The following TCN2 variants were observed in gnomAD, a reference collection of about 807,000 sequenced individuals.
TCN2 encodes the protein transcobalamin 2, also known as transcobalamin-2.
TCN2 carries 34 observed loss-of-function variants against 48.6 expected under a neutral mutation model. The observed-to-expected ratio is 0.70, with a 90% CI of 0.53 to 0.93. The LOEUF (loss-of-function observed/expected upper bound fraction) is 0.93. Among genes scored for constraint, TCN2 ranks in the 40% least tolerant of loss-of-function variants. The pLI is 0.00. For synonymous variants in TCN2, 283 were observed against 212.5 expected, an observed-to-expected ratio of 1.33 and a Z score of -2.89; for missense variants, 652 against 526.1, an observed-to-expected ratio of 1.24 and a Z score of -2.34.
rs548561577 is a variant in TCN2 at position 30,613,108 on chromosome 22, A to G, written c.427+66A>G. The G allele has an allele frequency of 5.8e-5, 91 of 1,581,192 alleles. No homozygotes were observed. In the South Asian group the frequency reaches 7.2e-4, roughly 12 times the overall value. ...AGGGCTCATCAGATGATATTCTCCAATGAGAATCAGAACTTTGGGTTTTCT... is the reference window on the plus strand; with the variant it reads ...AGGGCTCATCAGATGATATTCTCCAGTGAGAATCAGAACTTTGGGTTTTCT... On this transcript the variant is annotated intron_variant, in intron 3 of 8. Transcript: ENST00000215838.
In TCN2 at chr22:30,607,314, C is replaced by T. The variant is rs2087467192; in HGVS notation, c.-18C>T. The T allele has an allele frequency of 2.5e-6, 4 of 1,614,030 alleles. No individual in the cohort carries two copies. Among genetic ancestry groups the T allele is most frequent in the Non-Finnish European group, 2.5e-6 (3 of 1,180,028 alleles). ...TCTTTCCCGATTCTTGCTCACTGCT[C>T]ACCCACCTGCTGCTGCCATGAGGCA... On this transcript the variant is annotated 5_prime_UTR_variant, in exon 1 of 9. Coordinates refer to ENST00000215838, the MANE Select transcript of TCN2 (RefSeq NM_000355.4).
rs1041045435 is a variant in TCN2, at chr22:30,612,863, C to CTTG, written c.258-8_258-6dup. The CTTG allele has an allele frequency of 6.2e-7, 1 of 1,612,960 alleles. No individual in the cohort carries two copies. Among genetic ancestry groups the CTTG allele is most frequent in the African/African-American group, 1.3e-5 (1 of 74,906 alleles). On this transcript the variant is annotated splice_polypyrimidine_tract_variant and intron_variant, in intron 2 of 8. Coordinates refer to ENST00000215838, the MANE Select transcript of TCN2 (RefSeq NM_000355.4). ...GTTTCTCACAAAGGCATTAACTGGCCTTGTCCTAGGTCTGCCTTCAGCGAG... is the reference window on the plus strand; with the variant it reads ...GTTTCTCACAAAGGCATTAACTGGCCTTGTTGTCCTAGGTCTGCCTTCAGCGAG...
rs1305034990 is a variant in TCN2, at chr22:30,607,206, A to G, written c.-126A>G. The G allele has an allele frequency of 1.4e-5, 14 of 1,029,284 alleles. No homozygotes were observed. The South Asian group carries it at 1.7e-4, about 12-fold the overall frequency. The allele number at this position is 1,029,284 out of a possible 1,614,324, so 63.8% of individuals were successfully genotyped here. A position where few individuals can be genotyped will look rare whatever the true frequency, so the allele number is the denominator to read the frequency against. ...TAGCCGTGCATTGCAGGCATGGAGG[A>G]TTAATCAGTGACAGGAAGCTGCGTC... On this transcript the variant is annotated 5_prime_UTR_variant, in exon 1 of 9. Coordinates refer to ENST00000215838, the MANE Select transcript of TCN2 (RefSeq NM_000355.4).
chr22:30,617,526 A>G, intron 7 of TCN2, 31 bp downstream of exon 7: 1 of 1,613,622 alleles, frequency 6.2e-7, no homozygotes, highest in Non-Finnish European at 8.5e-7. Context: ...TCCTCACCCC[A>G]CCCAACCTCA....
Position 30,626,539 on chromosome 22 carries a change from C to G in TCN2, c.*18C>G, listed in dbSNP as rs371703966. 3 of 1,613,830 alleles carry G rather than the reference C, an allele frequency of 1.9e-6. No individual in the cohort carries two copies. The highest frequency in any genetic ancestry group is 2.5e-6 in the Non-Finnish European group (3 of 1,179,910). ...GCTGGTAGCCCCTGAGCTCCCTCAT[C>G]CCAGCAGCCTCGCACACTCCCTAGG... On this transcript the variant is annotated 3_prime_UTR_variant, in exon 9 of 9. Coordinates refer to ENST00000215838, the MANE Select transcript of TCN2 (RefSeq NM_000355.4).
chr22:30,615,356 C>T lies in TCN2; in HGVS notation c.636C>T (p.Asn212=), dbSNP rs769057598. ...CCTGTCTGAAGCGCTCAAACTTCAA[C>T]CCTGGTCGGAGACAACGGATCACCA... The part of the protein sequence containing the change: ...AFTCLKRSNF[N]PGRRQRITMA... The change falls in exon 5 of 9, where the codon AAC becomes AAT. Residue 212 remains asparagine (N), a synonymous_variant. Coordinates refer to ENST00000215838, the MANE Select transcript of TCN2 (RefSeq NM_000355.4). 1.2e-6 allele frequency: 2 copies of T among 1,614,068 alleles called. No individual in the cohort carries two copies. Among genetic ancestry groups the T allele is most frequent in the Non-Finnish European group, 1.7e-6 (2 of 1,180,040 alleles).
In TCN2 at chr22:30,623,823, TACACACAC is replaced by T. The variant is rs766122077; in HGVS notation, c.1222+742_1222+749del. Among the ~76,000 whole-genome samples, 122 of 49,424 alleles carry T rather than the reference TACACACAC, an allele frequency of 2.5e-3. 16 individuals are homozygous for T. The highest frequency in any genetic ancestry group is 8.5e-3 in the Middle Eastern group (1 of 118). 32.4% of individuals were successfully genotyped at this position (49,424 alleles called of 152,430 possible). On this transcript the variant is annotated intron_variant, in intron 8 of 8. Coordinates refer to ENST00000215838, the MANE Select transcript of TCN2 (RefSeq NM_000355.4). Reference sequence around the variant, plus strand: ...ACACATACACATATATACACACACATACACACACATATACACACACATACATACACATA... The same window carrying T: ...ACACATACACATATATACACACACATATATACACACACATACATACACATA...
intron 5 of TCN2, 46 bp from the exon 6 acceptor site, chr22:30,615,555 T>A: frequency 6.8e-6 from 11 of 1,613,856 alleles, no homozygotes; most frequent in Non-Finnish European, 8.5e-6. Flanking sequence ...ACCTAGCCCC[T>A]CCCTGCCGGC....
chr22:30,610,975 G>C lies in TCN2; in HGVS notation c.169G>C (p.Gly57Arg). The change falls in exon 2 of 9, where the codon GGC (glycine) becomes CGC (arginine). Residue 57 changes from glycine (G) to arginine (R), a missense_variant. Gly to Arg is a moderately radical substitution (Grantham distance 125). Transcript: ENST00000215838. ...GCACTTGAACCCCAGCATCTATGTG[G>C]GCCTACGCCTCTCCAGTCTGCAGGC... ...LEHLNPSIYV[G>R]LRLSSLQAGT... is the part of the protein sequence containing the mutation. 6.2e-7 allele frequency: 1 copy of C among 1,614,142 alleles called. No homozygotes were observed. Among genetic ancestry groups the C allele is most frequent in the Non-Finnish European group, 8.5e-7 (1 of 1,180,024 alleles).
Position 30,623,082 on chromosome 22 carries a change from A to C in TCN2, c.1221A>C (p.Gln407His). The C allele has an allele frequency of 1.9e-6, 3 of 1,613,850 alleles. No homozygotes were observed. The highest frequency in any genetic ancestry group is 2.5e-6 in the Non-Finnish European group (3 of 1,179,946). Residue 407 changes from glutamine (Q) to histidine (H), a missense_variant and splice_region_variant, in exon 8 of 9, where the codon CAA becomes CAC. Transcript: ENST00000215838. ...GAGACCCCAACACCCCACTGTTGCA[A>C]GGTGAGTCATGGCCTGACACTCTGG... ...LLRDPNTPLL[Q>H]GIADYRPKDG...
rs952042388 is a variant in TCN2 at position 30,614,343 on chromosome 22, T to C, written c.428-6T>C. On this transcript the variant is annotated splice_region_variant and splice_polypyrimidine_tract_variant and intron_variant, in intron 3 of 8. Transcript: ENST00000215838. ...GAGGCAACCCCTCTGTTTTTTTCCC[T>C]CTCAGGGCATGATCACAAGGGCCAC... is the stretch of plus-strand genomic sequence containing the variant. 3 of 1,613,856 alleles carry C rather than the reference T, an allele frequency of 1.9e-6. No individual in the cohort carries two copies. The highest frequency in any genetic ancestry group is 1.7e-5 in the Admixed American group (1 of 59,982).
chr22:30,615,879 G>A, intron 6 of TCN2, 92 bp downstream of exon 6: 2 of 1,522,984 alleles, frequency 1.3e-6, no homozygotes, highest in Non-Finnish European at 9.1e-7. Flanking sequence ...ATCCTGATTT[G>A]CTGAGTCAGC....
In TCN2 at chr22:30,626,988, T is replaced by TGG. The variant is rs2087820835; in HGVS notation, c.*470_*471dup. ...TCCGAGCTGGTTGTGGCACAGTAGCTGGGGAGACCTCAGCAGGGCTGCTCA... is the reference window on the plus strand; with the variant it reads ...TCCGAGCTGGTTGTGGCACAGTAGCTGGGGGGAGACCTCAGCAGGGCTGCTCA... On this transcript the variant is annotated 3_prime_UTR_variant, in exon 9 of 9. Coordinates refer to ENST00000215838, the MANE Select transcript of TCN2 (RefSeq NM_000355.4). 3.9e-6 allele frequency: 1 copy of TGG among 254,458 alleles called. No individual in the cohort carries two copies. Among genetic ancestry groups the TGG allele is most frequent in the Admixed American group, 4.8e-5 (1 of 20,784 alleles). The allele number at this position is 254,458 out of a possible 1,614,324, so 15.8% of individuals were successfully genotyped here. A position where few individuals can be genotyped will look rare whatever the true frequency, so the allele number is the denominator to read the frequency against.
intron 7 of TCN2, among the ~76,000 whole-genome samples, 162 bp from the exon 8 acceptor site, chr22:30,622,806 G>A (rs939829287): frequency 9.2e-5 from 14 of 152,162 alleles, no homozygotes; most frequent in Non-Finnish European, 1.3e-4. Flanking sequence ...GAAGGAGGTG[G>A]AAGTTGAGAT....
chr22:30,619,528 C>G (rs2087666247), intron 7 of TCN2, among the ~76,000 whole-genome samples: 2 of 152,214 alleles, frequency 1.3e-5, no homozygotes, highest in Admixed American at 6.5e-5. Flanking sequence ...TTTGACAGGT[C>G]CTGTCCATGA....
At chr22:30,617,543 T>G in intron 7 of TCN2, 48 bp downstream of exon 7, 7 of 1,612,576 alleles carry the variant, frequency 4.3e-6, no homozygotes, top group East Asian at 2.2e-5. Context: ...CTCACATGCC[T>G]GATAACAGGG....
At chr22:30,616,656 C>T (rs2087616619) in intron 6 of TCN2, among the ~76,000 whole-genome samples, 1 of 151,934 alleles carries the variant, frequency 6.6e-6, no homozygotes, top group South Asian at 2.1e-4. Context: ...GAAAGATTAG[C>T]CAGGCATGGT....
intron 7 of TCN2, among the ~76,000 whole-genome samples, chr22:30,620,875 G>A (rs1236553021): frequency 6.6e-6 from 1 of 152,210 alleles, no homozygotes; most frequent in Non-Finnish European, 1.5e-5. Flanking sequence ...GATGTGGAGA[G>A]AGGTAGCCCT....
intron 8 of TCN2, among the ~76,000 whole-genome samples, chr22:30,623,607 C>G (rs182207170): frequency 1.9e-4 from 29 of 151,344 alleles, no homozygotes; most frequent in African/African-American, 6.8e-4. Flanking sequence ...GTAAGTTTTT[C>G]ATAAAAAATG....
Sources: allele counts gnomAD v4.1 joint callset (sites outside exome capture counted in the v4.1 genomes callset), GRCh38; gene constraint gnomAD v4.1.1; transcripts MANE v1.5; gene names NCBI Gene and HGNC (gene_info 2026-07-23, HGNC 2026-07-21).